SS18: variants seen among roughly 807,000 people sequenced by gnomAD.
The protein encoded by SS18 is protein SSXT.
SS18 carries 28 observed loss-of-function variants against 72.5 expected under a neutral mutation model. That is an observed-to-expected ratio of 0.39 (90% confidence interval 0.29 to 0.53). The LOEUF is 0.53. Ranked by LOEUF, SS18 falls within the 20% of genes least tolerant of loss-of-function variation. The probability of loss-of-function intolerance (pLI) is 0.76; values close to 1 mark genes in which losing one functional copy is unlikely to be tolerated. For missense variants in SS18, 518 were observed against 535.3 expected, an observed-to-expected ratio of 0.97 and a Z score of 0.32; for synonymous variants, 172 against 164.2, an observed-to-expected ratio of 1.05 and a Z score of -0.37.
chr18:26,032,519 ACCCT>A lies in SS18; in HGVS notation c.1106_1109del (p.Gln369LeufsTer57). The A allele has an allele frequency of 6.2e-7, 1 of 1,613,524 alleles. No individual in the cohort carries two copies. Among genetic ancestry groups the A allele is most frequent in the Non-Finnish European group, 8.5e-7 (1 of 1,179,738 alleles). Reference sequence around the variant, plus strand: ...AGTTAGGATACTGAGGACCTGGACCACCCTGTGAAGGACCTGAAAATAATGTACA... The same window carrying A: ...AGTTAGGATACTGAGGACCTGGACCAGTGAAGGACCTGAAAATAATGTACA... On this transcript the variant is annotated frameshift_variant, in exon 10 of 11. Transcript: ENST00000415083. LOFTEE classifies it high-confidence loss of function.
intron 9 of SS18, among the ~76,000 whole-genome samples, chr18:26,033,639 TTAAA>T (rs1255134790): frequency 6.8e-6 from 1 of 146,218 alleles, no homozygotes; most frequent in East Asian, 1.9e-4. Context: ...GTTTTCAAGC[TTAAA>T]TAAATTATAT....
At chr18:26,061,229 C>T (rs547826714) in intron 3 of SS18, among the ~76,000 whole-genome samples, 1 of 152,230 alleles carries the variant, frequency 6.6e-6, no homozygotes, top group South Asian at 2.1e-4. Context: ...AGGAGAATTG[C>T]TAGAACTCAG....
chr18:26,070,948 A>G (rs1351892560), intron 3 of SS18, among the ~76,000 whole-genome samples: 3 of 152,188 alleles, frequency 2.0e-5, no homozygotes, highest in African/African-American at 4.8e-5. Context: ...AGATCTAAAA[A>G]AGAACTTATA....
chr18:26,072,617 G>A (rs1469385787), intron 3 of SS18, among the ~76,000 whole-genome samples: 2 of 151,838 alleles, frequency 1.3e-5, no homozygotes, highest in Non-Finnish European at 2.9e-5. Context: ...CTGACAAGGT[G>A]AAACCCCTTC....
intron 3 of SS18, among the ~76,000 whole-genome samples, chr18:26,075,236 C>T (rs2054391078): frequency 6.6e-6 from 1 of 151,660 alleles, no homozygotes; most frequent in Non-Finnish European, 1.5e-5. Flanking sequence ...GCTAGCATAG[C>T]CTCAAAATAA....
chr18:26,032,856 T>C lies in SS18; in HGVS notation c.1097-324A>G, dbSNP rs115025360. On this transcript the variant is annotated intron_variant, in intron 9 of 10. Coordinates refer to ENST00000415083, the MANE Select transcript of SS18 (RefSeq NM_001007559.3). ...TAAGAAAATTAATCAATACGTCTGATAGCGTTAACCAGCACAAGCAAGAGG... is the reference window on the plus strand; with the variant it reads ...TAAGAAAATTAATCAATACGTCTGACAGCGTTAACCAGCACAAGCAAGAGG... 7.1e-3 allele frequency among the ~76,000 whole-genome samples: 1,081 copies of C among 152,268 alleles called. 15 individuals carry two copies. Among genetic ancestry groups the C allele is most frequent in the African/African-American group, 0.025 (1,026 of 41,546 alleles).
intron 10 of SS18, among the ~76,000 whole-genome samples, chr18:26,025,554 A>C (rs1007800823): frequency 6.6e-6 from 1 of 152,138 alleles, no homozygotes; most frequent in Non-Finnish European, 1.5e-5. Context: ...GATTATGGAG[A>C]TATTGAGCGA....
intron 3 of SS18, 131 bp downstream of exon 3, chr18:26,077,943 CAT>C (rs1450735877): frequency 3.6e-6 from 2 of 551,672 alleles, no homozygotes; most frequent in Non-Finnish European, 3.1e-6. Flanking sequence ...TTTTAGATAA[CAT>C]AGAATACTTT....
intron 4 of SS18, among the ~76,000 whole-genome samples, chr18:26,056,915 A>G (rs193101244): frequency 1.3e-5 from 2 of 152,234 alleles, no homozygotes; most frequent in African/African-American, 4.8e-5. Context: ...AGGTAACTAA[A>G]TCAGCATCCA....
At chr18:26,023,941 G>T (rs2053399722) in intron 10 of SS18, among the ~76,000 whole-genome samples, 4 of 151,876 alleles carry the variant, frequency 2.6e-5, no homozygotes, top group Admixed American at 2.0e-4. Flanking sequence ...AGTAAAATTT[G>T]TAACAATAAC....
At chr18:26,070,761 T>C (rs1311619281) in intron 3 of SS18, among the ~76,000 whole-genome samples, 1 of 152,192 alleles carries the variant, frequency 6.6e-6, no homozygotes, top group Non-Finnish European at 1.5e-5. Context: ...TATATAATTA[T>C]GAACACATTT....
At chr18:26,090,184 T>C (rs546641971) in intron 1 of SS18, 72 of 412,622 alleles carry the variant, frequency 1.7e-4, no homozygotes, top group Non-Finnish European at 2.7e-4. Context: ...CGCCCTTCCC[T>C]GAGCGGCCGC....
At position 26,052,669 on chromosome 18, in the gene SS18, C is replaced by T. The variant is rs1440767878; in HGVS notation, c.562G>A (p.Gly188Arg). The change falls in exon 5 of 11, where the codon GGA (glycine) becomes AGA (arginine). Residue 188 changes from glycine to arginine, a missense_variant. By Grantham distance (125) the Gly-to-Arg change is moderately radical. Coordinates refer to ENST00000415083, the MANE Select transcript of SS18 (RefSeq NM_001007559.3). ...QMTMSQGQPM[G>R]NYGPRPNMSM... ...ATATTTGGTCTGGGACCATAGTTTC[C>T]CATTGGTTGTCCCTGACTCATTGTC... 6.2e-7 allele frequency: 1 copy of T among 1,614,102 alleles called. No homozygotes were observed. Among genetic ancestry groups the T allele is most frequent in the Non-Finnish European group, 8.5e-7 (1 of 1,179,982 alleles).
intron 2 of SS18, among the ~76,000 whole-genome samples, chr18:26,082,733 G>A (rs1234949392): frequency 6.6e-6 from 1 of 152,208 alleles, no homozygotes; most frequent in African/African-American, 2.4e-5. Flanking sequence ...TGTCTGCAGA[G>A]AGCGTTGATA....
At chr18:26,037,633 G>T (rs1309679959) in intron 7 of SS18, among the ~76,000 whole-genome samples, 1 of 151,958 alleles carries the variant, frequency 6.6e-6, no homozygotes, top group African/African-American at 2.4e-5. Context: ...GCTTACATGG[G>T]CTGCTAGTCA....
intron 10 of SS18, among the ~76,000 whole-genome samples, chr18:26,024,879 A>T (rs1023260266): frequency 6.6e-6 from 1 of 152,150 alleles, no homozygotes; most frequent in Non-Finnish European, 1.5e-5. Context: ...GGCTGGATTT[A>T]AAAAAAGCAA....
intron 3 of SS18, among the ~76,000 whole-genome samples, chr18:26,076,230 G>A (rs1199507891): frequency 6.6e-6 from 1 of 150,786 alleles, no homozygotes; most frequent in East Asian, 1.9e-4. Flanking sequence ...ATGTTTAAGT[G>A]TATATGGAAA....
chr18:26,090,672 G>A (rs2054711822), upstream of SS18: 5 of 1,229,048 alleles, frequency 4.1e-6, no homozygotes, highest in Non-Finnish European at 5.7e-6. Context: ...CGGGAATGCG[G>A]GGAGGGGGGA....
intron 10 of SS18, among the ~76,000 whole-genome samples, chr18:26,029,058 A>G (rs1389941692): frequency 1.3e-5 from 2 of 152,348 alleles, no homozygotes; most frequent in Middle Eastern, 3.4e-3. Flanking sequence ...AGATTTTAAT[A>G]AAGTGAGGTT....
Sources: allele counts gnomAD v4.1 joint callset (sites outside exome capture counted in the v4.1 genomes callset), GRCh38; gene constraint gnomAD v4.1.1; transcripts MANE v1.5; gene names NCBI Gene and HGNC (gene_info 2026-07-23, HGNC 2026-07-21).